The following HSP90B1 variants were observed in gnomAD, a reference collection of about 807,000 sequenced individuals.
HSP90B1 encodes the protein endoplasmin.
Under a neutral mutation model 100.4 loss-of-function variants are expected in HSP90B1, and 27 were observed. The observed-to-expected ratio is 0.27, with a 90% CI of 0.20 to 0.37. The LOEUF (loss-of-function observed/expected upper bound fraction) is 0.37. HSP90B1 is among the 10% of genes least tolerant of loss of function. The probability of loss-of-function intolerance (pLI) is 1.00; values close to 1 mark genes in which losing one functional copy is unlikely to be tolerated. For synonymous variants in HSP90B1, 304 were observed against 330.8 expected, an observed-to-expected ratio of 0.92 and a Z score of 0.88; for missense variants, 678 against 960.5, an observed-to-expected ratio of 0.71 and a Z score of 3.89.
chr12:103,938,297 T>G (rs1244172318), intron 6 of HSP90B1, 43 bp from the exon 7 acceptor site: 37 of 1,497,974 alleles, frequency 2.5e-5, no homozygotes, highest in Non-Finnish European at 3.1e-5. Flanking sequence ...AAATCAGAAT[T>G]GTTAAACAAA....
chr12:103,938,655 A>T (rs947791561), intron 7 of HSP90B1, 196 bp downstream of exon 7: 18 of 424,314 alleles, frequency 4.2e-5, no homozygotes, highest in Non-Finnish European at 7.1e-5. Context: ...TATCAAACCC[A>T]GGTCATTTTT....
At chr12:103,931,854 TA>T in intron 2 of HSP90B1, 1 of 549,830 alleles carries the variant, frequency 1.8e-6, no homozygotes, top group Non-Finnish European at 3.4e-6. Context: ...ATAAACTTTG[TA>T]AGACTTTATA....
chr12:103,932,042 A>G, intron 2 of HSP90B1: 1 of 475,920 alleles, frequency 2.1e-6, no homozygotes, highest in Non-Finnish European at 3.7e-6. Context: ...AGTAGAGGAA[A>G]GTTGGGATTT....
chr12:103,945,033 G>T (rs889742150), intron 14 of HSP90B1, among the ~76,000 whole-genome samples: 3 of 152,178 alleles, frequency 2.0e-5, no homozygotes, highest in Non-Finnish European at 4.4e-5. Flanking sequence ...TTAATTTCAG[G>T]AAATGATTAA....
rs570836113 is a variant in HSP90B1, at chr12:103,946,008, CAT to C, written c.2028-608_2028-607del. ...CATCCCATGGATACCAAAATCCACA[CAT>C]AGTCAAGTCCCTTAGGTAAAGTCGT... is the stretch of plus-strand genomic sequence containing the variant. On this transcript the variant is annotated intron_variant, in intron 14 of 17. Transcript: ENST00000299767. Among the ~76,000 whole-genome samples the C allele has an allele frequency of 7.8e-4, 118 of 152,252 alleles. 3 individuals carry two copies. The East Asian group carries it at 0.013, about 17-fold the overall frequency.
chr12:103,947,742 T>C lies in HSP90B1; in HGVS notation c.*80T>C, dbSNP rs1363985190. The C allele has an allele frequency of 4.2e-6, 5 of 1,190,948 alleles. No individual in the cohort carries two copies. Among genetic ancestry groups the C allele is most frequent in the South Asian group, 3.6e-5 (3 of 82,254 alleles). The allele number at this position is 1,190,948 out of a possible 1,614,324, so 73.8% of individuals were successfully genotyped here. On this transcript the variant is annotated 3_prime_UTR_variant, in exon 18 of 18. Coordinates refer to ENST00000299767, the MANE Select transcript of HSP90B1 (RefSeq NM_003299.3). Reference sequence around the variant, plus strand: ...ATTTCTTTTTGGGAGAGACTTGTTTTGGATGCCCCCTAATCCCCTTCTCCC... The same window carrying C: ...ATTTCTTTTTGGGAGAGACTTGTTTCGGATGCCCCCTAATCCCCTTCTCCC...
intron 5 of HSP90B1, 24 bp from the exon 6 acceptor site, chr12:103,937,671 C>T (rs777728217): frequency 6.6e-6 from 8 of 1,206,120 alleles, no homozygotes; most frequent in Admixed American, 1.7e-5. Context: ...TTAGGTGTCT[C>T]TAAACATCGA....
rs1355841414 is a variant in HSP90B1 at position 103,930,687 on chromosome 12, C to A, written c.49+123C>A. ...CCTGCGGTGGGCCAAGGGACGTCAC[C>A]ATTCCTCGAAAGAGGGCAAGGGAAT... On this transcript the variant is annotated intron_variant, in intron 1 of 17. Coordinates refer to ENST00000299767, the MANE Select transcript of HSP90B1 (RefSeq NM_003299.3). The surrounding 1 kb of genome is among the most constrained non-coding windows in gnomAD (Gnocchi z 4.4). The A allele has an allele frequency of 1.2e-6, 1 of 811,058 alleles. No individual in the cohort carries two copies. The highest frequency in any genetic ancestry group is 1.9e-6 in the Non-Finnish European group (1 of 516,450). The allele number at this position is 811,058 out of a possible 1,614,324, so 50.2% of individuals were successfully genotyped here.
chr12:103,943,892 A>G lies in HSP90B1; in HGVS notation c.2027+18A>G. 1.2e-6 allele frequency: 2 copies of G among 1,608,828 alleles called. No individual in the cohort carries two copies. The highest frequency in any genetic ancestry group is 1.7e-6 in the Non-Finnish European group (2 of 1,177,456). The stretch of plus-strand genomic sequence containing the variant: ...TCTACAAAGTAAGCATCCTCGGGAA[A>G]GTCCCTGCCAGGGCGTTGCCCCTTA... On this transcript the variant is annotated intron_variant, in intron 14 of 17. Transcript: ENST00000299767. The surrounding 1 kb of genome is among the most constrained non-coding windows in gnomAD (Gnocchi z 5.3).
At chr12:103,938,660 AT>A (rs1869990782) in intron 7 of HSP90B1, 1 of 396,494 alleles carries the variant, frequency 2.5e-6, no homozygotes, top group Non-Finnish European at 4.5e-6. Context: ...AACCCAGGTC[AT>A]TTTTATGAAG....
rs759549877 is a variant in HSP90B1, at chr12:103,946,617, G to A, written c.2028-1G>A. The A allele has an allele frequency of 6.2e-7, 1 of 1,609,560 alleles. No homozygotes were observed. Among genetic ancestry groups the A allele is most frequent in the South Asian group, 1.1e-5 (1 of 90,882 alleles). Reference sequence around the variant, plus strand: ...TAATGTTCATTTTTATCTCTTAACAGTTACTATGCGAGTCAGAAGAAAACA... The same window carrying A: ...TAATGTTCATTTTTATCTCTTAACAATTACTATGCGAGTCAGAAGAAAACA... On this transcript the variant is annotated splice_acceptor_variant, in intron 14 of 17. Coordinates refer to ENST00000299767, the MANE Select transcript of HSP90B1 (RefSeq NM_003299.3). LOFTEE classifies it high-confidence loss of function.
In HSP90B1 at chr12:103,930,456, G is replaced by T; in HGVS notation, c.-60G>T. On this transcript the variant is annotated 5_prime_UTR_variant, in exon 1 of 18. Transcript: ENST00000299767. The surrounding 1 kb of genome is among the most constrained non-coding windows in gnomAD (Gnocchi z 4.4). ...GAGGTGTGAGGATCCGAACCCAGGG[G>T]TGGGGGGTGGAGGCGGCTCCTGCGA... The T allele has an allele frequency of 8.6e-7, 1 of 1,168,290 alleles. No homozygotes were observed. Among genetic ancestry groups the T allele is most frequent in the Non-Finnish European group, 1.2e-6 (1 of 848,752 alleles). 72.4% of individuals were successfully genotyped at this position (1,168,290 alleles called of 1,614,324 possible). A position where few individuals can be genotyped will look rare whatever the true frequency, so the allele number is the denominator to read the frequency against.
At chr12:103,944,103 G>A (rs1199075313) in intron 14 of HSP90B1, among the ~76,000 whole-genome samples, 2 of 152,172 alleles carry the variant, frequency 1.3e-5, no homozygotes, top group Non-Finnish European at 2.9e-5. Flanking sequence ...ATGTAAATGG[G>A]AATTTTCTTA....
Position 103,942,524 on chromosome 12 carries a change from T to C in HSP90B1, c.1375-3T>C, listed in dbSNP as rs1233100309. 6.2e-7 allele frequency: 1 copy of C among 1,613,096 alleles called. No homozygotes were observed. The highest frequency in any genetic ancestry group is 8.5e-7 in the Non-Finnish European group (1 of 1,179,170). On this transcript the variant is annotated splice_region_variant and splice_polypyrimidine_tract_variant and intron_variant, in intron 11 of 17. Coordinates refer to ENST00000299767, the MANE Select transcript of HSP90B1 (RefSeq NM_003299.3). The stretch of plus-strand genomic sequence containing the variant: ...TAATCAGTTATTCTTTCATTGTGTT[T>C]AGGTGATTAGGAAGAAGCTTGTTCG...
rs781727525 is a variant in HSP90B1, at chr12:103,930,445, C to A, written c.-71C>A. 2.0e-6 allele frequency: 3 copies of A among 1,472,746 alleles called. No individual in the cohort carries two copies. Among genetic ancestry groups the A allele is most frequent in the Non-Finnish European group, 1.8e-6 (2 of 1,089,034 alleles). The allele number at this position is 1,472,746 out of a possible 1,614,324, so 91.2% of individuals were successfully genotyped here. A position where few individuals can be genotyped will look rare whatever the true frequency, so the allele number is the denominator to read the frequency against. The stretch of plus-strand genomic sequence containing the variant: ...CCGCGCGGCTGGAGGTGTGAGGATC[C>A]GAACCCAGGGGTGGGGGGTGGAGGC... On this transcript the variant is annotated 5_prime_UTR_variant, in exon 1 of 18. Transcript: ENST00000299767. The surrounding 1 kb of genome is among the most constrained non-coding windows in gnomAD (Gnocchi z 4.4).
At chr12:103,936,391 C>T (rs771520369) in intron 5 of HSP90B1, among the ~76,000 whole-genome samples, 1 of 152,154 alleles carries the variant, frequency 6.6e-6, no homozygotes, top group Non-Finnish European at 1.5e-5. Flanking sequence ...CCTATAATCC[C>T]AGCACCTCGG....
intron 12 of HSP90B1, 76 bp downstream of exon 12, chr12:103,942,872 A>G: frequency 6.5e-7 from 1 of 1,547,240 alleles, no homozygotes; most frequent in South Asian, 1.2e-5. Context: ...TGAGGGGGAG[A>G]AAAGGAAAAC....
chr12:103,939,603 C>G lies in HSP90B1; in HGVS notation c.1070C>G (p.Ala357Gly), dbSNP rs1340161527. ...GAAGTAGAAGAAGATGAATACAAAG[C>G]TTTCTACAAATCATTTTCAAAGGTA... The part of the protein sequence containing the change: ...SKEVEEDEYK[A>G]FYKSFSKESD... The change falls in exon 8 of 18, where the codon GCT becomes GGT. Residue 357 changes from alanine (A) to glycine (G), a missense_variant. Physicochemically the swap from Ala to Gly is moderately conservative, Grantham distance 60. This residue lies in a region of HSP90B1 where 238 missense variants were observed against 346.7 expected (regional missense o/e 0.69). Coordinates refer to ENST00000299767, the MANE Select transcript of HSP90B1 (RefSeq NM_003299.3). The G allele has an allele frequency of 2.0e-6, 3 of 1,519,104 alleles. No individual in the cohort carries two copies. Among genetic ancestry groups the G allele is most frequent in the South Asian group, 1.2e-5 (1 of 82,826 alleles). The allele number at this position is 1,519,104 out of a possible 1,614,324, so 94.1% of individuals were successfully genotyped here. A position where few individuals can be genotyped will look rare whatever the true frequency, so the allele number is the denominator to read the frequency against.
At chr12:103,939,776 G>A in intron 8 of HSP90B1, 151 bp downstream of exon 8, 1 of 467,966 alleles carries the variant, frequency 2.1e-6, no homozygotes, top group Non-Finnish European at 3.9e-6. Context: ...AGACCTTTAG[G>A]CCAACTATAA....
Sources: allele counts gnomAD v4.1 joint callset (sites outside exome capture counted in the v4.1 genomes callset), GRCh38; gene constraint gnomAD v4.1.1; regional missense constraint gnomAD v4.1.1; non-coding constraint Gnocchi (gnomAD v3.1); transcripts MANE v1.5; gene names NCBI Gene and HGNC (gene_info 2026-07-23, HGNC 2026-07-21).